The following GSE1 variants were observed in gnomAD, a reference collection of about 807,000 sequenced individuals.
The protein encoded by GSE1 is Gse1 coiled-coil protein.
GSE1 carries 32 observed loss-of-function variants against 112.6 expected under a neutral mutation model. The observed-to-expected ratio is 0.28, with a 90% CI of 0.21 to 0.38. GSE1 has a LOEUF of 0.38. Ranked by LOEUF, GSE1 falls within the 10% of genes least tolerant of loss-of-function variation. GSE1 has a pLI of 1.00. For synonymous variants in GSE1, 1,115 were observed against 735.6 expected (o/e 1.52, Z -8.35); for missense variants, 2,348 against 1,699.2 (o/e 1.38, Z -6.71).
chr16:85,433,422 G>A (rs2049167618), intron 2 of GSE1, among the ~76,000 whole-genome samples: 1 of 152,104 alleles, frequency 6.6e-6, no homozygotes, highest in Non-Finnish European at 1.5e-5. Context: ...CTTAGAGAGA[G>A]AAGCAGGAGT....
At chr16:85,656,695 C>G in intron 7 of GSE1, 30 bp downstream of exon 7, 1 of 1,469,010 alleles carries the variant, frequency 6.8e-7, no homozygotes, top group Non-Finnish European at 9.0e-7. Context: ...CTGTGCTGGG[C>G]AAGGTCTCAG....
chr16:85,300,372 A>C (rs2045487541), intron 1 of GSE1, among the ~76,000 whole-genome samples: 1 of 152,176 alleles, frequency 6.6e-6, no homozygotes, highest in Admixed American at 6.5e-5. Context: ...AGTGCCGTAC[A>C]ACTGTCACCG....
chr16:85,174,757 G>T lies in GSE1; in HGVS notation c.2283+2950G>T, dbSNP rs139484595. Among the ~76,000 whole-genome samples the T allele has an allele frequency of 5.1e-4, 77 of 152,316 alleles. 1 individual carries two copies. The highest frequency in any genetic ancestry group is 1.8e-3 in the African/African-American group (74 of 41,578). ...CAGTGCCAGGGTGGGCATGGGCAGCGAAGGTGACACTTGCAGGAGCTGGGA... is the reference window on the plus strand; with the variant it reads ...CAGTGCCAGGGTGGGCATGGGCAGCTAAGGTGACACTTGCAGGAGCTGGGA... On this transcript the variant is annotated intron_variant, in intron 1 of 2. Coordinates refer to the GSE1 transcript ENST00000637419.
rs3751721 is a variant in GSE1, at chr16:85,661,523, C to T, written c.2018C>T (p.Pro673Leu). The change falls in exon 9 of 16, where the codon CCC becomes CTC. Residue 673 changes from proline (P) to leucine (L), a missense_variant. Physicochemically the swap from Pro to Leu is moderately conservative, Grantham distance 98. Coordinates refer to ENST00000253458, the MANE Select transcript of GSE1 (RefSeq NM_014615.5). ...EHQPFLPGPG[P>L]FLAELEKSTQ... is the part of the protein sequence containing the mutation. ...CAGCCCTTCCTGCCCGGGCCCGGGC[C>T]CTTCCTGGCTGAGCTCGAGAAGTCC... 249 of 1,612,114 alleles carry T rather than the reference C, an allele frequency of 1.5e-4. 2 individuals are homozygous for T. In the East Asian group the frequency reaches 5.5e-3, roughly 36 times the overall value.
At chr16:85,274,244 G>A (rs995727057) in intron 1 of GSE1, among the ~76,000 whole-genome samples, 6 of 151,978 alleles carry the variant, frequency 3.9e-5, no homozygotes, top group South Asian at 2.1e-4. Flanking sequence ...TCAGCTGGGC[G>A]TGGCAGCAGC....
intron 2 of GSE1, among the ~76,000 whole-genome samples, chr16:85,505,502 G>C (rs2051508055): frequency 6.6e-6 from 1 of 152,192 alleles, no homozygotes; most frequent in African/African-American, 2.4e-5. Context: ...CTGAGAGCAT[G>C]ATTTGAAGGT....
chr16:85,347,846 G>A (rs1014583419), intron 1 of GSE1, among the ~76,000 whole-genome samples: 10 of 152,190 alleles, frequency 6.6e-5, no homozygotes, highest in Non-Finnish European at 1.2e-4. Flanking sequence ...GGGACAGACA[G>A]CAGCTCCTGG....
chr16:85,277,794 C>T (rs1182843104), intron 1 of GSE1, among the ~76,000 whole-genome samples: 2 of 152,220 alleles, frequency 1.3e-5, no homozygotes, highest in African/African-American at 4.8e-5. Flanking sequence ...TGTGTCTGGG[C>T]CAGCCCTCAG....
At chr16:85,488,535 C>A (rs565117933) in intron 2 of GSE1, among the ~76,000 whole-genome samples, 1 of 151,982 alleles carries the variant, frequency 6.6e-6, no homozygotes, top group Non-Finnish European at 1.5e-5. Flanking sequence ...AGGTACTGAA[C>A]TGACTGGTTA....
chr16:85,224,104 G>A (rs572955810), intron 1 of GSE1, among the ~76,000 whole-genome samples: 40 of 151,826 alleles, frequency 2.6e-4, no homozygotes, highest in African/African-American at 8.9e-4. Flanking sequence ...GGCACGTGGC[G>A]CATCTCAAAG....
intron 1 of GSE1, among the ~76,000 whole-genome samples, chr16:85,175,772 G>A (rs1009792604): frequency 3.3e-5 from 5 of 152,142 alleles, no homozygotes; most frequent in South Asian, 4.1e-4. Flanking sequence ...TCCAGGAGGC[G>A]TGCACACTTC....
intron 1 of GSE1, among the ~76,000 whole-genome samples, chr16:85,325,482 A>G (rs1190097815): frequency 1.3e-5 from 2 of 151,166 alleles, no homozygotes; most frequent in African/African-American, 4.9e-5. Context: ...ACAGAGTTTC[A>G]CTTTTGTTGC....
chr16:85,548,588 T>C (rs1182603641), intron 2 of GSE1, among the ~76,000 whole-genome samples: 1 of 152,234 alleles, frequency 6.6e-6, no homozygotes, highest in African/African-American at 2.4e-5. Flanking sequence ...CATTCTTTTT[T>C]ACGGGTGAGT....
chr16:85,491,385 G>C (rs1040837321), intron 2 of GSE1, among the ~76,000 whole-genome samples: 1 of 152,324 alleles, frequency 6.6e-6, no homozygotes, highest in Non-Finnish European at 1.5e-5. Flanking sequence ...ACAGGAACAG[G>C]AGAGGTGGGG....
At chr16:85,442,365 T>C (rs1490949265) in intron 2 of GSE1, among the ~76,000 whole-genome samples, 1 of 152,192 alleles carries the variant, frequency 6.6e-6, no homozygotes, top group Admixed American at 6.5e-5. Flanking sequence ...CAGGGACTTC[T>C]ATCCTGTTCC....
intron 1 of GSE1, among the ~76,000 whole-genome samples, chr16:85,197,284 C>T (rs371759290): frequency 5.9e-5 from 9 of 151,966 alleles, no homozygotes; most frequent in East Asian, 1.9e-4. Flanking sequence ...TGGAGAGGGG[C>T]GGGAAGGGAG....
intron 2 of GSE1, among the ~76,000 whole-genome samples, chr16:85,641,513 A>T (rs1233000886): frequency 6.6e-6 from 1 of 151,694 alleles, no homozygotes. Flanking sequence ...GGAGCCTTGT[A>T]GGGCGGCTGC....
intron 1 of GSE1, among the ~76,000 whole-genome samples, chr16:85,280,140 A>C (rs1166311259): frequency 1.3e-5 from 2 of 152,192 alleles, no homozygotes; most frequent in Admixed American, 1.3e-4. Flanking sequence ...GAGCAGATGG[A>C]ACTGGCCCTT....
chr16:85,572,213 C>T (rs58636299), intron 1 of GSE1, among the ~76,000 whole-genome samples: 5,004 of 148,546 alleles, frequency 0.034, 271 homozygotes, highest in African/African-American at 0.12. Context: ...ACACAGCACG[C>T]ACACACCACA....
Sources: allele counts gnomAD v4.1 joint callset (sites outside exome capture counted in the v4.1 genomes callset), GRCh38; gene constraint gnomAD v4.1.1; transcripts MANE v1.5; gene names NCBI Gene and HGNC (gene_info 2026-07-23, HGNC 2026-07-21).